PLCB4: variants seen among roughly 807,000 people sequenced by gnomAD.
PLCB4 encodes the protein phospholipase C beta 4, also known as 1-phosphatidylinositol 4,5-bisphosphate phosphodiesterase beta-4.
PLCB4 carries 77 observed loss-of-function variants against 178.8 expected under a neutral mutation model. The ratio of observed to expected loss-of-function variants is 0.43; its 90% CI spans 0.36 to 0.52. The LOEUF is 0.52. Among genes scored for constraint, PLCB4 ranks in the 20% least tolerant of loss-of-function variants. The pLI is 0.00. For synonymous variants in PLCB4, 496 were observed against 490.8 expected, an observed-to-expected ratio of 1.01 and a Z score of -0.14; for missense variants, 1,024 against 1,453.4, an observed-to-expected ratio of 0.70 and a Z score of 4.80.
At chr20:9,095,727 T>A (rs1164232040) in intron 1 of PLCB4, among the ~76,000 whole-genome samples, 1 of 152,152 alleles carries the variant, frequency 6.6e-6, no homozygotes, top group African/African-American at 2.4e-5. Context: ...TTTATGTAGT[T>A]TTTTTGTAAT....
intron 3 of PLCB4, among the ~76,000 whole-genome samples, chr20:9,260,764 G>A (rs1236450137): frequency 6.6e-6 from 1 of 152,064 alleles, no homozygotes; most frequent in Non-Finnish European, 1.5e-5. Context: ...GATGATCATA[G>A]AATTATGATT....
intron 3 of PLCB4, among the ~76,000 whole-genome samples, chr20:9,253,385 A>C (rs890812292): frequency 6.6e-6 from 1 of 152,094 alleles, no homozygotes; most frequent in South Asian, 2.1e-4. Flanking sequence ...CTCGTTCTCC[A>C]GGTAGCAAAC....
At chr20:9,473,619 A>C (rs1263093102) in intron 38 of PLCB4, among the ~76,000 whole-genome samples, 2 of 152,244 alleles carry the variant, frequency 1.3e-5, no homozygotes, top group Non-Finnish European at 2.9e-5. Context: ...GAATTCTAAG[A>C]ATGAAATTAC....
intron 3 of PLCB4, among the ~76,000 whole-genome samples, chr20:9,231,127 G>A (rs948105050): frequency 6.6e-6 from 1 of 152,124 alleles, no homozygotes; most frequent in African/African-American, 2.4e-5. Context: ...AACGTTGGTT[G>A]GCTTTTATTT....
At chr20:9,175,821 G>A (rs77974789) in intron 2 of PLCB4, among the ~76,000 whole-genome samples, 277 of 152,162 alleles carry the variant, frequency 1.8e-3, no homozygotes, top group African/African-American at 6.5e-3. Flanking sequence ...CTCCAAATTT[G>A]GTGAAAGGTC....
At chr20:9,294,834 G>A (rs1372666708) in intron 3 of PLCB4, among the ~76,000 whole-genome samples, 4 of 152,050 alleles carry the variant, frequency 2.6e-5, no homozygotes, top group Non-Finnish European at 4.4e-5. Flanking sequence ...GTCTGCTGTC[G>A]GGGTACCATA....
chr20:9,327,926 G>A (rs926316564), intron 4 of PLCB4, among the ~76,000 whole-genome samples: 12 of 152,206 alleles, frequency 7.9e-5, no homozygotes, highest in African/African-American at 2.9e-4. Context: ...ATGAAGAAAT[G>A]AATATCTAAC....
chr20:9,354,775 T>C (rs1400162953), intron 7 of PLCB4, among the ~76,000 whole-genome samples: 8 of 152,180 alleles, frequency 5.3e-5, no homozygotes, highest in African/African-American at 1.9e-4. Flanking sequence ...CTGGTATCTG[T>C]TGGAAGCTTG....
At position 9,305,046 on chromosome 20, in the gene PLCB4, A is replaced by C. The variant is rs948554979; in HGVS notation, c.-15-2754A>C. Among the ~76,000 whole-genome samples, 22 of 104,230 alleles carry C rather than the reference A, an allele frequency of 2.1e-4. No homozygotes were observed. The South Asian group carries it at 2.5e-3, about 12-fold the overall frequency. The allele number at this position is 104,230 out of a possible 152,430, so 68.4% of individuals were successfully genotyped here. On this transcript the variant is annotated intron_variant, in intron 3 of 39. Coordinates refer to ENST00000378473, the MANE Select transcript of PLCB4 (RefSeq NM_001377142.1). ...ATGCTATCCCGCCCCCCTCCCCCCA[A>C]CATCCCTGCATTTTCAAACTTCTTA...
At chr20:9,253,742 G>A (rs2094205286) in intron 3 of PLCB4, among the ~76,000 whole-genome samples, 1 of 152,106 alleles carries the variant, frequency 6.6e-6, no homozygotes, top group African/African-American at 2.4e-5. Flanking sequence ...ACCATATTTG[G>A]GTACACTGGA....
At chr20:9,349,245 T>G (rs895246328) in intron 7 of PLCB4, among the ~76,000 whole-genome samples, 2 of 152,058 alleles carry the variant, frequency 1.3e-5, no homozygotes, top group East Asian at 3.9e-4. Flanking sequence ...TTTCAAAACA[T>G]TTTCATCACC....
In PLCB4 at chr20:9,256,078, G is replaced by A. The variant is rs759955845; in HGVS notation, c.-16+38626G>A. Among the ~76,000 whole-genome samples, 84 of 152,162 alleles carry A rather than the reference G, an allele frequency of 5.5e-4. 2 individuals carry two copies. The highest frequency in any genetic ancestry group is 2.1e-4 in the South Asian group (1 of 4,818). The stretch of plus-strand genomic sequence containing the variant: ...AGAAAGTCATCTCTATTATGGTCAA[G>A]CATTAAAGTTCTCGTATACATATGT... On this transcript the variant is annotated intron_variant, in intron 3 of 39. Transcript: ENST00000378473.
At chr20:9,261,627 ACTT>A (rs1285127588) in intron 3 of PLCB4, among the ~76,000 whole-genome samples, 6 of 152,182 alleles carry the variant, frequency 3.9e-5, no homozygotes, top group Non-Finnish European at 7.4e-5. Flanking sequence ...GACTGAACAT[ACTT>A]CTTCTTTTAC....
At chr20:9,122,981 A>T (rs1293897610) in intron 2 of PLCB4, among the ~76,000 whole-genome samples, 1 of 152,216 alleles carries the variant, frequency 6.6e-6, no homozygotes, top group South Asian at 2.1e-4. Context: ...TAAAAACATA[A>T]GAAACAGTAA....
chr20:9,217,965 C>T (rs1040859473), intron 3 of PLCB4, among the ~76,000 whole-genome samples: 8 of 151,880 alleles, frequency 5.3e-5, no homozygotes, highest in Non-Finnish European at 1.2e-4. Flanking sequence ...TTTAAAGAAA[C>T]GCAAAAAGGG....
chr20:9,260,330 A>G (rs1245525519), intron 3 of PLCB4, among the ~76,000 whole-genome samples: 1 of 152,138 alleles, frequency 6.6e-6, no homozygotes, highest in African/African-American at 2.4e-5. Context: ...TTCTTAATAA[A>G]CATAGTTATT....
chr20:9,101,707 CATGGCTT>C (rs1349456451), intron 2 of PLCB4, among the ~76,000 whole-genome samples: 13 of 152,140 alleles, frequency 8.5e-5, no homozygotes, highest in Non-Finnish European at 1.6e-4. Flanking sequence ...TGAGTAGTAG[CATGGCTT>C]ATACAAGAGT....
intron 2 of PLCB4, among the ~76,000 whole-genome samples, chr20:9,182,035 G>A (rs540494859): frequency 9.2e-5 from 14 of 152,276 alleles, no homozygotes; most frequent in Non-Finnish European, 1.3e-4. Flanking sequence ...TTGAGAGGGC[G>A]GTGTCTGTTT....
At chr20:9,093,606 A>G (rs1410109974) in intron 1 of PLCB4, among the ~76,000 whole-genome samples, 1 of 151,986 alleles carries the variant, frequency 6.6e-6, no homozygotes, top group East Asian at 1.9e-4. Context: ...GTTAGGATTT[A>G]GTGTTAGATC....
Sources: allele counts gnomAD v4.1 joint callset (sites outside exome capture counted in the v4.1 genomes callset), GRCh38; gene constraint gnomAD v4.1.1; transcripts MANE v1.5; gene names NCBI Gene and HGNC (gene_info 2026-07-23, HGNC 2026-07-21).